The following NRXN3 variants were observed in gnomAD, a reference collection of about 807,000 sequenced individuals.
NRXN3 encodes neurexin III.
NRXN3 carries 32 observed loss-of-function variants against 137.6 expected under a neutral mutation model. The observed-to-expected ratio is 0.23, with a 90% confidence interval of 0.18 to 0.31. The LOEUF is 0.31. Ranked by LOEUF, NRXN3 falls within the 10% of genes least tolerant of loss-of-function variation. NRXN3 has a pLI of 1.00. For synonymous variants in NRXN3, 798 were observed against 784.5 expected, an observed-to-expected ratio of 1.02 and a Z score of -0.29; for missense variants, 1,574 against 2,062.5, an observed-to-expected ratio of 0.76 and a Z score of 4.59.
chr14:79,756,127 T>C lies in NRXN3; in HGVS notation c.4015-48985T>C, dbSNP rs576291913. Among the ~76,000 whole-genome samples the C allele has an allele frequency of 1.1e-3, 170 of 152,252 alleles. 1 individual carries two copies. Among genetic ancestry groups the C allele is most frequent in the Non-Finnish European group, 1.7e-3 (114 of 68,016 alleles). On this transcript the variant is annotated intron_variant, in intron 19 of 20. Coordinates refer to ENST00000335750, the MANE Select transcript of NRXN3 (RefSeq NM_001330195.2). ...TGAAAACATAACTGGCAGGCATGAGTCTGGAACACATACGAGGGAACGAAG... is the reference window on the plus strand; with the variant it reads ...TGAAAACATAACTGGCAGGCATGAGCCTGGAACACATACGAGGGAACGAAG...
chr14:79,844,413 T>C (rs2099362700), intron 20 of NRXN3, among the ~76,000 whole-genome samples: 3 of 151,628 alleles, frequency 2.0e-5, no homozygotes, highest in Non-Finnish European at 4.4e-5. Flanking sequence ...AGAATCACTA[T>C]CTATGGCAGC....
chr14:78,935,155 A>G (rs1168920408), intron 10 of NRXN3, among the ~76,000 whole-genome samples: 3 of 152,120 alleles, frequency 2.0e-5, no homozygotes, highest in Non-Finnish European at 2.9e-5. Flanking sequence ...GAAAAACATC[A>G]AACATGGCTT....
intron 15 of NRXN3, among the ~76,000 whole-genome samples, chr14:79,152,260 A>C (rs2059865238): frequency 6.6e-6 from 1 of 152,204 alleles, no homozygotes; most frequent in East Asian, 1.9e-4. Context: ...AGAAACAACT[A>C]TCTTGCATCT....
rs528650032 is a variant in NRXN3, at chr14:78,911,755, T to C, written c.2276-45487T>C. Among the ~76,000 whole-genome samples the C allele has an allele frequency of 2.1e-4, 32 of 152,272 alleles. No individual in the cohort carries two copies. The South Asian group carries it at 6.4e-3, about 31-fold the overall frequency. On this transcript the variant is annotated intron_variant, in intron 10 of 20. Coordinates refer to ENST00000335750, the MANE Select transcript of NRXN3 (RefSeq NM_001330195.2). ...AACACATACTAAAATAATGGTATGA[T>C]ACACAAGTAAGAATAAAAAATGTGA...
At chr14:79,853,971 C>A (rs1332514892) in intron 20 of NRXN3, 2 of 987,508 alleles carry the variant, frequency 2.0e-6, no homozygotes, top group Non-Finnish European at 2.4e-6. Flanking sequence ...TGTTAAAGTG[C>A]AGATTTTTTT....
rs1163720240 is a variant in NRXN3 at position 78,990,361 on chromosome 14, ATTTTTT to A, written c.3262+2240_3262+2245del. ...CATGCAAATGATGAAGTTCACATCT[ATTTTTT>A]TTTTTTTTTTTTTTTTTTTGAGACG... On this transcript the variant is annotated intron_variant, in intron 15 of 20. Transcript: ENST00000335750. 7.7e-3 allele frequency among the ~76,000 whole-genome samples: 585 copies of A among 76,064 alleles called. 6 individuals carry two copies. The highest frequency in any genetic ancestry group is 0.03 in the African/African-American group (554 of 18,620). 49.9% of individuals were successfully genotyped at this position (76,064 alleles called of 152,430 possible).
At chr14:78,517,086 T>G (rs2096219351) in intron 4 of NRXN3, among the ~76,000 whole-genome samples, 1 of 152,188 alleles carries the variant, frequency 6.6e-6, no homozygotes, top group East Asian at 1.9e-4. Context: ...TTAATCTTCT[T>G]ACATTTTTAG....
At position 78,738,628 on chromosome 14, in the gene NRXN3, C is replaced by T. The variant is rs189503784; in HGVS notation, c.2044+23489C>T. ...CTGGCCTATTTTAGGGAAAACTCTA[C>T]GCATGAAGAGGGAAGCTGAAAAGAC... On this transcript the variant is annotated intron_variant, in intron 8 of 20. Coordinates refer to ENST00000335750, the MANE Select transcript of NRXN3 (RefSeq NM_001330195.2). 1.5e-3 allele frequency among the ~76,000 whole-genome samples: 222 copies of T among 152,282 alleles called. 3 individuals are homozygous for T. The highest frequency in any genetic ancestry group is 2.1e-3 in the East Asian group (11 of 5,182).
rs139763072 is a variant in NRXN3, at chr14:78,433,946, G to C, written c.757+136086G>C. ...GAGGTGATGTCCTGACAAACCCATG[G>C]TAAGTTGAAAATATTGTAAGTTGAA... On this transcript the variant is annotated intron_variant, in intron 4 of 20. Transcript: ENST00000335750. Among the ~76,000 whole-genome samples, 6 of 151,088 alleles carry C rather than the reference G, an allele frequency of 4.0e-5. No homozygotes were observed. The East Asian group carries it at 1.2e-3, about 29-fold the overall frequency.
At chr14:79,388,491 G>T (rs1490809604) in intron 15 of NRXN3, among the ~76,000 whole-genome samples, 3 of 151,970 alleles carry the variant, frequency 2.0e-5, no homozygotes, top group Non-Finnish European at 4.4e-5. Flanking sequence ...TCTGAGAGTG[G>T]GGTTCCTATT....
rs150321329 is a variant in NRXN3, at chr14:78,982,481, T to G, written c.3143-5541T>G. On this transcript the variant is annotated intron_variant, in intron 14 of 20. Coordinates refer to ENST00000335750, the MANE Select transcript of NRXN3 (RefSeq NM_001330195.2). ...TGGAACAGGATAGAGACCCCCAAAA[T>G]AAACTTATGCATTATGGTTAACTGA... Among the ~76,000 whole-genome samples the G allele has an allele frequency of 2.6e-3, 385 of 150,538 alleles. 1 individual carries two copies. The highest frequency in any genetic ancestry group is 9.2e-3 in the African/African-American group (367 of 40,102).
intron 20 of NRXN3, among the ~76,000 whole-genome samples, chr14:79,840,133 G>T (rs1457474413): frequency 2.6e-5 from 4 of 152,144 alleles, no homozygotes; most frequent in Non-Finnish European, 5.9e-5. Flanking sequence ...CTTTAGTCCA[G>T]TTGGGTCTAG....
At position 78,652,488 on chromosome 14, in the gene NRXN3, T is replaced by C. The variant is rs12432163; in HGVS notation, c.1221+1162T>C. On this transcript the variant is annotated intron_variant, in intron 6 of 20. Transcript: ENST00000335750. ...TGCACTGCACATTTTAAGCTAAGCTTCATTGCCGAAGATATCTATACCATC... is the reference window on the plus strand; with the variant it reads ...TGCACTGCACATTTTAAGCTAAGCTCCATTGCCGAAGATATCTATACCATC... Among the ~76,000 whole-genome samples, 402 of 152,342 alleles carry C rather than the reference T, an allele frequency of 2.6e-3. 2 individuals carry two copies. Among genetic ancestry groups the C allele is most frequent in the Middle Eastern group, 6.8e-3 (2 of 294 alleles).
chr14:78,431,655 GA>G (rs1395583831), intron 4 of NRXN3, among the ~76,000 whole-genome samples: 9 of 151,274 alleles, frequency 5.9e-5, no homozygotes, highest in African/African-American at 1.5e-4. Context: ...GGGAGCATCT[GA>G]AAAAAAAATT....
At chr14:79,818,344 C>A (rs994542613) in intron 20 of NRXN3, among the ~76,000 whole-genome samples, 1 of 152,106 alleles carries the variant, frequency 6.6e-6, no homozygotes, top group African/African-American at 2.4e-5. Flanking sequence ...TGAGCCACCG[C>A]GCCCGGCCGC....
chr14:79,322,199 T>A (rs1269768613), intron 15 of NRXN3, among the ~76,000 whole-genome samples: 1 of 152,242 alleles, frequency 6.6e-6, no homozygotes, highest in Non-Finnish European at 1.5e-5. Context: ...TGAAACAAAC[T>A]CACGAGGAAG....
rs186759758 is a variant in NRXN3 at position 78,923,006 on chromosome 14, C to T, written c.2276-34236C>T. Among the ~76,000 whole-genome samples the T allele has an allele frequency of 1.5e-4, 23 of 152,274 alleles. No homozygotes were observed. In the East Asian group the frequency reaches 4.4e-3, roughly 29 times the overall value. On this transcript the variant is annotated intron_variant, in intron 10 of 20. Transcript: ENST00000335750. The stretch of plus-strand genomic sequence containing the variant: ...GGGGAAAGGTGTCTCAGTCTTATTC[C>T]AGTCTGCTTCATTTACTGTTGATGT...
At chr14:79,771,317 A>C (rs1471492073) in intron 19 of NRXN3, among the ~76,000 whole-genome samples, 1 of 152,198 alleles carries the variant, frequency 6.6e-6, no homozygotes, top group East Asian at 1.9e-4. Context: ...GCAGAGACAC[A>C]ACCAAAAAAG....
intron 1 of NRXN3, among the ~76,000 whole-genome samples, chr14:78,207,722 C>A (rs2062348141): frequency 6.6e-6 from 1 of 152,204 alleles, no homozygotes; most frequent in South Asian, 2.1e-4. Context: ...TCATCACGCC[C>A]TTTTGGTTCT....
Sources: gnomAD v4.1 joint callset for allele counts (sites outside exome capture counted in the v4.1 genomes callset) on GRCh38, gnomAD v4.1.1 for gene constraint, MANE v1.5 for transcripts, NCBI Gene and HGNC (gene_info 2026-07-23, HGNC 2026-07-21) for gene names.